TMEM47: variants seen among roughly 807,000 people sequenced by gnomAD.
TMEM47 encodes transmembrane protein 47, also known as brain cell membrane protein 1.
A neutral mutation model predicts 12.4 loss-of-function variants in TMEM47; 3 were observed. The ratio of observed to expected loss-of-function variants is 0.24; its 90% CI spans 0.11 to 0.63. The LOEUF is 0.63. Among genes scored for constraint, TMEM47 ranks in the 20% least tolerant of loss-of-function variants. TMEM47 has a pLI of 0.86. For synonymous variants in TMEM47, 62 were observed against 63.3 expected (o/e 0.98, Z 0.10); for missense variants, 89 against 143.8 (o/e 0.62, Z 1.95).
rs771730774 is a variant in TMEM47, at chrX:34,627,411, T to C, written c.*2902A>G. The C allele has an allele frequency of 1.2e-3, 135 of 112,069 alleles. No homozygotes were observed. Among genetic ancestry groups the C allele is most frequent in the African/African-American group, 4.2e-3 (131 of 30,833 alleles). The allele number at this position is 112,069 out of a possible 1,213,427, so 9.2% of individuals were successfully genotyped here. On this transcript the variant is annotated 3_prime_UTR_variant, in exon 3 of 3. Coordinates refer to ENST00000275954, the MANE Select transcript of TMEM47 (RefSeq NM_031442.4). ...GAGGACACAGAGGCATAGGTTAGAG[T>C]GCACTGCTCTGTACAAAAATACAGT...
At chrX:34,648,398 C>A (rs773357944) in intron 1 of TMEM47, among the ~76,000 whole-genome samples, 12 of 111,417 alleles carry the variant, frequency 1.1e-4, no homozygotes, top group Non-Finnish European at 1.9e-4. Context: ...ACACTTATAA[C>A]CATGTGATCT....
intron 2 of TMEM47, among the ~76,000 whole-genome samples, chrX:34,637,448 T>C (rs1426792889): frequency 9.0e-6 from 1 of 111,547 alleles, no homozygotes; most frequent in East Asian, 2.8e-4. Flanking sequence ...TCTACTTGTA[T>C]AGTGTAAGTG....
In TMEM47 at chrX:34,653,538, G is replaced by T. The variant is rs192784628; in HGVS notation, c.226+3266C>A. Among the ~76,000 whole-genome samples, 358 of 111,530 alleles carry T rather than the reference G, an allele frequency of 3.2e-3. 2 individuals carry two copies. The highest frequency in any genetic ancestry group is 0.011 in the African/African-American group (336 of 30,723). On this transcript the variant is annotated intron_variant, in intron 1 of 2. Coordinates refer to ENST00000275954, the MANE Select transcript of TMEM47 (RefSeq NM_031442.4). ...TATTTATACATTTTAAAGAAGAAATGTAAAGTCTCCTTAGAGGTTATAGAG... is the reference window on the plus strand; with the variant it reads ...TATTTATACATTTTAAAGAAGAAATTTAAAGTCTCCTTAGAGGTTATAGAG...
rs866031292 is a variant in TMEM47, at chrX:34,628,869, A to T, written c.*1444T>A. The T allele has an allele frequency of 2.5e-3, 284 of 112,077 alleles. No homozygotes were observed. Among genetic ancestry groups the T allele is most frequent in the African/African-American group, 8.5e-3 (262 of 30,875 alleles). 9.2% of individuals were successfully genotyped at this position (112,077 alleles called of 1,213,427 possible). On this transcript the variant is annotated 3_prime_UTR_variant, in exon 3 of 3. Transcript: ENST00000275954. ...TATCCAAATTTGTATATTAAACAGA[A>T]TTAACACAAGTTTGCAGCATGAGAT...
At chrX:34,656,663 GA>G in intron 1 of TMEM47, 140 bp downstream of exon 1, 1 of 1,058,476 alleles carries the variant, frequency 9.4e-7, no homozygotes, top group Non-Finnish European at 1.2e-6. Flanking sequence ...GGAGCCCCAG[GA>G]TCCGAGAAGG....
chrX:34,644,479 G>C (rs1361020316), intron 1 of TMEM47, among the ~76,000 whole-genome samples: 1 of 111,810 alleles, frequency 8.9e-6, no homozygotes, highest in African/African-American at 3.3e-5. Flanking sequence ...TTTTAACAAG[G>C]ATACATTTTC....
intron 1 of TMEM47, among the ~76,000 whole-genome samples, chrX:34,648,193 A>T (rs1287584805): frequency 3.6e-5 from 4 of 111,693 alleles, no homozygotes; most frequent in African/African-American, 1.3e-4. Flanking sequence ...CTATTTTCAA[A>T]TTCATATGGA....
intron 2 of TMEM47, among the ~76,000 whole-genome samples, chrX:34,634,020 T>C (rs1921671030): frequency 9.0e-6 from 1 of 111,113 alleles, no homozygotes; most frequent in Non-Finnish European, 1.9e-5. Flanking sequence ...AATTCACAGA[T>C]GTAGGTAAAA....
Position 34,651,518 on chromosome X carries a change from C to T in TMEM47, c.226+5286G>A, listed in dbSNP as rs538142786. On this transcript the variant is annotated intron_variant, in intron 1 of 2. Transcript: ENST00000275954. The stretch of plus-strand genomic sequence containing the variant: ...CTCCAGACATCCATCCTCATTATGT[C>T]CTATCTGAATTCCTGACCCACAGAA... Among the ~76,000 whole-genome samples, 7 of 112,057 alleles carry T rather than the reference C, an allele frequency of 6.2e-5. No individual in the cohort carries two copies. In the South Asian group the frequency reaches 2.2e-3, roughly 36 times the overall value.
intron 2 of TMEM47, among the ~76,000 whole-genome samples, chrX:34,633,944 G>T (rs1378878748): frequency 1.8e-5 from 2 of 111,238 alleles, no homozygotes; most frequent in Non-Finnish European, 3.8e-5. Flanking sequence ...AGAGAAAAAT[G>T]AATGTAATAG....
rs139434958 is a variant in TMEM47, at chrX:34,636,226, A to C, written c.367+3021T>G. ...GGTTCCAGCTATCTCACTGTGACTTATAGGATGGTGATGAGGGCTGTAAGA... is the reference window on the plus strand; with the variant it reads ...GGTTCCAGCTATCTCACTGTGACTTCTAGGATGGTGATGAGGGCTGTAAGA... On this transcript the variant is annotated intron_variant, in intron 2 of 2. Coordinates refer to ENST00000275954, the MANE Select transcript of TMEM47 (RefSeq NM_031442.4). 2.5e-3 allele frequency among the ~76,000 whole-genome samples: 279 copies of C among 111,518 alleles called. 1 individual carries two copies. The highest frequency in any genetic ancestry group is 8.6e-3 in the African/African-American group (264 of 30,664).
chrX:34,644,260 C>G, intron 1 of TMEM47, among the ~76,000 whole-genome samples: 1 of 111,881 alleles, frequency 8.9e-6, no homozygotes, highest in Non-Finnish European at 1.9e-5. Flanking sequence ...TATTAGCTGG[C>G]ATCAGAGTTT....
In TMEM47 at chrX:34,640,129, T is replaced by C. The variant is rs531941800; in HGVS notation, c.227-742A>G. 3.7e-4 allele frequency among the ~76,000 whole-genome samples: 42 copies of C among 112,140 alleles called. No homozygotes were observed. The South Asian group carries it at 0.015, about 40-fold the overall frequency. ...ATTAGCATCAGGAATATTGTTTGTT[T>C]TTTCCACTTCTTTTTTATTTGATTC... is the stretch of plus-strand genomic sequence containing the variant. On this transcript the variant is annotated intron_variant, in intron 1 of 2. Transcript: ENST00000275954.
chrX:34,645,836 C>T, intron 1 of TMEM47, among the ~76,000 whole-genome samples: 1 of 111,808 alleles, frequency 8.9e-6, no homozygotes, highest in Non-Finnish European at 1.9e-5. Context: ...TATAAAATTA[C>T]AATATAAATA....
At chrX:34,633,292 G>A (rs776797227) in intron 2 of TMEM47, among the ~76,000 whole-genome samples, 3 of 111,726 alleles carry the variant, frequency 2.7e-5, no homozygotes, top group Admixed American at 9.6e-5. Flanking sequence ...TAGATCAATC[G>A]TGAGAGAAGG....
At chrX:34,638,424 C>A (rs1364446992) in intron 2 of TMEM47, among the ~76,000 whole-genome samples, 2 of 111,407 alleles carry the variant, frequency 1.8e-5, no homozygotes, top group African/African-American at 6.5e-5. Context: ...GAAATTTCAT[C>A]TATTCCAATC....
At chrX:34,638,080 T>C (rs1480667959) in intron 2 of TMEM47, among the ~76,000 whole-genome samples, 1 of 111,331 alleles carries the variant, frequency 9.0e-6, no homozygotes, top group Non-Finnish European at 1.9e-5. Flanking sequence ...GCCAGTTTTA[T>C]AGGTGTCTAA....
Position 34,656,567 on chromosome X carries a change from G to T in TMEM47, c.226+237C>A, listed in dbSNP as rs185962764. Among the ~76,000 whole-genome samples, 282 of 111,425 alleles carry T rather than the reference G, an allele frequency of 2.5e-3. 2 individuals carry two copies. Among genetic ancestry groups the T allele is most frequent in the African/African-American group, 8.5e-3 (259 of 30,593 alleles). On this transcript the variant is annotated intron_variant, in intron 1 of 2. Transcript: ENST00000275954. ...ACTCCAGAACAGGAGGAATGGCCAC[G>T]GGGAAGGGAGAGGGCGTGGGCTGTC...
intron 1 of TMEM47, among the ~76,000 whole-genome samples, chrX:34,653,302 T>C (rs1922048276): frequency 1.8e-5 from 2 of 112,008 alleles, no homozygotes; most frequent in East Asian, 5.6e-4. Context: ...ATTTTTAGGA[T>C]AGTATGTGAA....
Sources: gnomAD v4.1 joint callset for allele counts (sites outside exome capture counted in the v4.1 genomes callset) on GRCh38, gnomAD v4.1.1 for gene constraint, MANE v1.5 for transcripts, NCBI Gene and HGNC (gene_info 2026-07-23, HGNC 2026-07-21) for gene names.